Variants in MAP6D1 observed in about 807,000 individuals in gnomAD.
MAP6D1 encodes the protein MAP6 domain-containing protein 1.
A neutral mutation model predicts 17.4 loss-of-function variants in MAP6D1; 13 were observed. The observed-to-expected ratio is 0.75, with a 90% CI of 0.49 to 1.19. The LOEUF (loss-of-function observed/expected upper bound fraction) is 1.19, where lower values mean the gene tolerates loss of function less well. MAP6D1 is among the 50% of genes most tolerant of loss of function. The pLI is 0.00. For missense variants in MAP6D1, 313 were observed against 312.6 expected (o/e 1.00, Z -0.01); for synonymous variants, 141 against 145.7 (o/e 0.97, Z 0.23).
At position 183,825,205 on chromosome 3, in the gene MAP6D1, C is replaced by A. The variant is rs1019462828; in HGVS notation, c.343G>T (p.Val115Phe). The A allele has an allele frequency of 3.5e-6, 5 of 1,442,830 alleles. No homozygotes were observed. The highest frequency in any genetic ancestry group is 2.9e-5 in the Admixed American group (1 of 35,028). The allele number at this position is 1,442,830 out of a possible 1,614,324, so 89.4% of individuals were successfully genotyped here. The change falls in exon 1 of 3, where the codon GTC becomes TTC. Residue 115 changes from valine (V) to phenylalanine (F), a missense_variant. Val to Phe is a conservative substitution (Grantham distance 50). Coordinates refer to ENST00000318631, the MANE Select transcript of MAP6D1 (RefSeq NM_024871.4). ...GCGTCGCCGATGGGCAGCACGTAGA[C>A]CCCGCGGGCGCCGGGCGCAGGTGGC... ...SAPPAPGARGVYVLPIGDADA... is the reference protein window; with the variant it reads ...SAPPAPGARGFYVLPIGDADA...
chr3:183,816,317 T>A lies in MAP6D1; in HGVS notation c.*1039A>T, dbSNP rs914690967. On this transcript the variant is annotated 3_prime_UTR_variant, in exon 3 of 3. Coordinates refer to ENST00000318631, the MANE Select transcript of MAP6D1 (RefSeq NM_024871.4). Reference sequence around the variant, plus strand: ...AGATCCAAAGGGAAATCCACAAATTTCCTTACTGAAGACTGTCCTGAGCTT... The same window carrying A: ...AGATCCAAAGGGAAATCCACAAATTACCTTACTGAAGACTGTCCTGAGCTT... 6.6e-6 allele frequency: 1 copy of A among 152,172 alleles called. No homozygotes were observed. Among genetic ancestry groups the A allele is most frequent in the Non-Finnish European group, 1.5e-5 (1 of 68,036 alleles). The allele number at this position is 152,172 out of a possible 1,614,324, so 9.4% of individuals were successfully genotyped here. A position where few individuals can be genotyped will look rare whatever the true frequency, so the allele number is the denominator to read the frequency against.
At chr3:183,817,683 TC>T (rs1381617694) in intron 2 of MAP6D1, among the ~76,000 whole-genome samples, 7 of 151,980 alleles carry the variant, frequency 4.6e-5, no homozygotes, top group Non-Finnish European at 7.4e-5. Flanking sequence ...ATGCCCCCAC[TC>T]CCTTCCATCG....
rs1005719253 is a variant in MAP6D1 at position 183,825,402 on chromosome 3, C to A, written c.146G>T (p.Arg49Leu). 43 of 1,442,538 alleles carry A rather than the reference C, an allele frequency of 3.0e-5. No homozygotes were observed. The highest frequency in any genetic ancestry group is 2.4e-4 in the Middle Eastern group (1 of 4,088). 89.4% of individuals were successfully genotyped at this position (1,442,538 alleles called of 1,614,324 possible). A position where few individuals can be genotyped will look rare whatever the true frequency, so the allele number is the denominator to read the frequency against. The change falls in exon 1 of 3, where the codon CGC becomes CTC. Residue 49 changes from arginine to leucine, a missense_variant. By Grantham distance (102) the Arg-to-Leu change is moderately radical. Coordinates refer to ENST00000318631, the MANE Select transcript of MAP6D1 (RefSeq NM_024871.4). ...EEPGTGGAAS[R>L]RGQPPAGARD... is the part of the protein sequence containing the mutation. ...GGCGCCCGCGGGAGGCTGGCCCCTG[C>A]GCGAGGCGGCGCCGCCCGTGCCCGG...
At chr3:183,819,742 T>G (rs1219440566) in intron 1 of MAP6D1, among the ~76,000 whole-genome samples, 1 of 152,186 alleles carries the variant, frequency 6.6e-6, no homozygotes, top group Non-Finnish European at 1.5e-5. Flanking sequence ...CAGCCCAACA[T>G]GGCTTCAGAC....
chr3:183,824,862 C>A (rs1383544779), intron 1 of MAP6D1, among the ~76,000 whole-genome samples: 2 of 152,242 alleles, frequency 1.3e-5, no homozygotes, highest in Non-Finnish European at 2.9e-5. Flanking sequence ...GAAGGCAGGC[C>A]ATTCTGACGG....
chr3:183,823,356 C>T (rs1044298601), intron 1 of MAP6D1, among the ~76,000 whole-genome samples: 3 of 151,510 alleles, frequency 2.0e-5, no homozygotes, highest in Non-Finnish European at 4.4e-5. Context: ...AATCCCAGCA[C>T]TTTGGGAGGC....
At chr3:183,824,547 C>T (rs529028251) in intron 1 of MAP6D1, among the ~76,000 whole-genome samples, 1 of 152,326 alleles carries the variant, frequency 6.6e-6, no homozygotes, top group South Asian at 2.1e-4. Flanking sequence ...TCTGTACTTT[C>T]CCATTTTTCT....
intron 1 of MAP6D1, chr3:183,820,305 T>C (rs560251693): frequency 1.3e-5 from 2 of 152,398 alleles, no homozygotes; most frequent in East Asian, 3.9e-4. Flanking sequence ...AGGGAGTGGC[T>C]TGTATCAGGT....
chr3:183,822,954 A>G (rs191767666), intron 1 of MAP6D1, among the ~76,000 whole-genome samples: 2 of 152,332 alleles, frequency 1.3e-5, no homozygotes, highest in African/African-American at 4.8e-5. Context: ...GCTGACTTGC[A>G]TGGCGCTGGG....
At chr3:183,820,998 G>A in intron 1 of MAP6D1, among the ~76,000 whole-genome samples, 1 of 151,948 alleles carries the variant, frequency 6.6e-6, no homozygotes, top group Non-Finnish European at 1.5e-5. Flanking sequence ...TGGAGGCTGA[G>A]GCAGGAGAAT....
Position 183,817,512 on chromosome 3 carries a change from G to A in MAP6D1, c.520-76C>T, listed in dbSNP as rs960169669. ...TACTCTTCCCCACTACCCAGCTCCA[G>A]GAAAAAATCCCCTCCCATCCTCTGC... On this transcript the variant is annotated intron_variant, in intron 2 of 2. Coordinates refer to ENST00000318631, the MANE Select transcript of MAP6D1 (RefSeq NM_024871.4). 17 of 1,342,018 alleles carry A rather than the reference G, an allele frequency of 1.3e-5. No individual in the cohort carries two copies. In the African/African-American group the frequency reaches 2.0e-4, roughly 16 times the overall value. The allele number at this position is 1,342,018 out of a possible 1,614,324, so 83.1% of individuals were successfully genotyped here.
intron 1 of MAP6D1, among the ~76,000 whole-genome samples, chr3:183,824,382 G>T (rs1194901790): frequency 6.6e-6 from 1 of 151,418 alleles, no homozygotes; most frequent in Non-Finnish European, 1.5e-5. Context: ...AGAACATGTA[G>T]TAACACGGAC....
At chr3:183,817,961 C>A in intron 2 of MAP6D1, 33 bp downstream of exon 2, 1 of 1,550,452 alleles carries the variant, frequency 6.4e-7, no homozygotes, top group Non-Finnish European at 8.9e-7. Flanking sequence ...GGCCTCTATA[C>A]CCACACCCCT....
In MAP6D1 at chr3:183,816,529, A is replaced by C. The variant is rs1727109624; in HGVS notation, c.*827T>G. On this transcript the variant is annotated 3_prime_UTR_variant, in exon 3 of 3. Transcript: ENST00000318631. The stretch of plus-strand genomic sequence containing the variant: ...TGTACATGTGAGCAGGGTAGACGGA[A>C]GGGTTGGTGTAGAGGACATTTTAAG... The C allele has an allele frequency of 6.6e-6, 1 of 152,254 alleles. No individual in the cohort carries two copies. Among genetic ancestry groups the C allele is most frequent in the Non-Finnish European group, 1.5e-5 (1 of 68,080 alleles). 9.4% of individuals were successfully genotyped at this position (152,254 alleles called of 1,614,324 possible).
Position 183,817,013 on chromosome 3 carries a change from G to A in MAP6D1, c.*343C>T, listed in dbSNP as rs900381269. On this transcript the variant is annotated 3_prime_UTR_variant, in exon 3 of 3. Transcript: ENST00000318631. ...TAACTGGTTCTTTCAAGGGCCGGATGTGTCCACATTCCTCAGCTTCCATGG... is the reference window on the plus strand; with the variant it reads ...TAACTGGTTCTTTCAAGGGCCGGATATGTCCACATTCCTCAGCTTCCATGG... 1 of 314,410 alleles carries A rather than the reference G, an allele frequency of 3.2e-6. No individual in the cohort carries two copies. The highest frequency in any genetic ancestry group is 2.2e-5 in the African/African-American group (1 of 45,222). 19.5% of individuals were successfully genotyped at this position (314,410 alleles called of 1,614,324 possible).
chr3:183,821,251 C>T (rs2108562993), intron 1 of MAP6D1, among the ~76,000 whole-genome samples: 1 of 152,328 alleles, frequency 6.6e-6, no homozygotes, highest in Non-Finnish European at 1.5e-5. Context: ...GGAGGCAGCT[C>T]TTAAGGGATG....
At chr3:183,819,155 C>G (rs1255557914) in intron 1 of MAP6D1, among the ~76,000 whole-genome samples, 3 of 152,240 alleles carry the variant, frequency 2.0e-5, no homozygotes, top group Non-Finnish European at 4.4e-5. Flanking sequence ...AACAAAGCTG[C>G]CTTTCTCCTT....
Position 183,825,503 on chromosome 3 carries a change from G to A in MAP6D1, c.45C>T (p.Arg15=), listed in dbSNP as rs263006. 743,836 of 1,399,356 alleles carry A rather than the reference G, an allele frequency of 0.53. 201,266 individuals carry two copies. Among genetic ancestry groups the A allele is most frequent in the Middle Eastern group, 0.6 (2,313 of 3,852 alleles). 86.7% of individuals were successfully genotyped at this position (1,399,356 alleles called of 1,614,324 possible). A position where few individuals can be genotyped will look rare whatever the true frequency, so the allele number is the denominator to read the frequency against. ...CGTCGGAGCGGTCCAGCTGGTTCCA[G>A]CGCCGCGCCAGGCAGCACAGGCGGC... ...CISRLCCLAR[R]WNQLDRSDVA... The change falls in exon 1 of 3, where the codon CGC becomes CGT. Residue 15 remains arginine, a synonymous_variant. Coordinates refer to ENST00000318631, the MANE Select transcript of MAP6D1 (RefSeq NM_024871.4).
intron 2 of MAP6D1, among the ~76,000 whole-genome samples, chr3:183,817,696 C>T (rs897222830): frequency 6.6e-6 from 1 of 152,158 alleles, no homozygotes; most frequent in Non-Finnish European, 1.5e-5. Flanking sequence ...CTTCCATCGT[C>T]TCTTTCCTCT....
Sources: gnomAD v4.1 joint callset for allele counts (sites outside exome capture counted in the v4.1 genomes callset) on GRCh38, gnomAD v4.1.1 for gene constraint, MANE v1.5 for transcripts, NCBI Gene and HGNC (gene_info 2026-07-23, HGNC 2026-07-21) for gene names.